Variants in KCNMB4 observed in about 807,000 individuals in gnomAD.
KCNMB4 encodes the protein potassium calcium-activated channel subfamily M regulatory beta subunit 4.
KCNMB4 carries 3 observed loss-of-function variants against 20.7 expected under a neutral mutation model. That is an observed-to-expected ratio of 0.14 (90% CI 0.07 to 0.37). KCNMB4 has a LOEUF of 0.37. Ranked by LOEUF, KCNMB4 falls within the 10% of genes least tolerant of loss-of-function variation. The pLI is 1.00. For synonymous variants in KCNMB4, 110 were observed against 113.4 expected (o/e 0.97, Z 0.19); for missense variants, 168 against 265.9 (o/e 0.63, Z 2.56).
intron 2 of KCNMB4, among the ~76,000 whole-genome samples, chr12:70,429,666 CAAAAAA>C (rs11320039): frequency 8.5e-6 from 1 of 117,186 alleles, no homozygotes; most frequent in African/African-American, 3.3e-5. Flanking sequence ...GACTCCATCT[CAAAAAA>C]AAAAAAAAAA....
At chr12:70,388,218 A>C (rs544752538) in intron 1 of KCNMB4, among the ~76,000 whole-genome samples, 1 of 152,110 alleles carries the variant, frequency 6.6e-6, no homozygotes, top group African/African-American at 2.4e-5. Context: ...TTCTTTATCC[A>C]TTCATCTGTT....
chr12:70,432,868 G>A lies in KCNMB4; in HGVS notation c.*2215G>A, dbSNP rs1869405854. 6.6e-6 allele frequency: 1 copy of A among 152,150 alleles called. No individual in the cohort carries two copies. 9.4% of individuals were successfully genotyped at this position (152,150 alleles called of 1,614,324 possible). ...ATGATTAATTGATTACAGAGTAGTA[G>A]ATTAGAATAGTGCATGGATATACAT... is the stretch of plus-strand genomic sequence containing the variant. On this transcript the variant is annotated 3_prime_UTR_variant, in exon 3 of 3. Coordinates refer to ENST00000258111, the MANE Select transcript of KCNMB4 (RefSeq NM_014505.6).
intron 2 of KCNMB4, among the ~76,000 whole-genome samples, chr12:70,427,982 TC>T (rs1869256473): frequency 6.6e-6 from 1 of 152,170 alleles, no homozygotes; most frequent in Non-Finnish European, 1.5e-5. Context: ...TCCAAGTCCC[TC>T]ACCCTGAATC....
At chr12:70,370,636 A>G (rs1162817390) in intron 1 of KCNMB4, among the ~76,000 whole-genome samples, 1 of 151,878 alleles carries the variant, frequency 6.6e-6, no homozygotes, top group African/African-American at 2.4e-5. Flanking sequence ...GAGTCGGTAT[A>G]AAAGGAAATT....
intron 2 of KCNMB4, among the ~76,000 whole-genome samples, chr12:70,418,364 G>C (rs1868964844): frequency 6.7e-6 from 1 of 149,638 alleles, no homozygotes; most frequent in Non-Finnish European, 1.5e-5. Context: ...TTCAGCTTAG[G>C]GAAATGATAC....
At chr12:70,376,797 G>A (rs1398252458) in intron 1 of KCNMB4, among the ~76,000 whole-genome samples, 2 of 151,524 alleles carry the variant, frequency 1.3e-5, no homozygotes, top group African/African-American at 4.8e-5. Flanking sequence ...ACTTGATCCT[G>A]GGAGATTAAG....
chr12:70,391,551 C>A (rs1388986223), intron 1 of KCNMB4, among the ~76,000 whole-genome samples: 2 of 152,330 alleles, frequency 1.3e-5, no homozygotes, highest in Non-Finnish European at 2.9e-5. Flanking sequence ...AGCAGTCCCC[C>A]TGCCTTGGCC....
At chr12:70,411,689 G>T (rs1868782521) in intron 2 of KCNMB4, among the ~76,000 whole-genome samples, 1 of 152,072 alleles carries the variant, frequency 6.6e-6, no homozygotes, top group South Asian at 2.1e-4. Context: ...TATACCTGTA[G>T]TCCCCACTAC....
chr12:70,405,998 A>G (rs1378110765), intron 2 of KCNMB4, among the ~76,000 whole-genome samples: 1 of 152,244 alleles, frequency 6.6e-6, no homozygotes, highest in Non-Finnish European at 1.5e-5. Context: ...CCTGGAGGAC[A>G]TTATACCAAG....
chr12:70,417,713 C>T (rs982226390), intron 2 of KCNMB4, among the ~76,000 whole-genome samples: 1 of 152,134 alleles, frequency 6.6e-6, no homozygotes, highest in Admixed American at 6.5e-5. Context: ...TGTTCCCTGC[C>T]CGCTACCTTA....
In KCNMB4 at chr12:70,433,565, C is replaced by T. The variant is rs889131011; in HGVS notation, c.*2912C>T. ...TACCTAGCTTCAAGAAAGCCTGGGA[C>T]GTGTCTCTAACTAGATGGACATGTG... On this transcript the variant is annotated 3_prime_UTR_variant, in exon 3 of 3. Transcript: ENST00000258111. 1 of 152,182 alleles carries T rather than the reference C, an allele frequency of 6.6e-6. No homozygotes were observed. Among genetic ancestry groups the T allele is most frequent in the African/African-American group, 2.4e-5 (1 of 41,436 alleles). The allele number at this position is 152,182 out of a possible 1,614,324, so 9.4% of individuals were successfully genotyped here. A position where few individuals can be genotyped will look rare whatever the true frequency, so the allele number is the denominator to read the frequency against.
At chr12:70,371,555 TG>T (rs764283640) in intron 1 of KCNMB4, among the ~76,000 whole-genome samples, 27 of 152,266 alleles carry the variant, frequency 1.8e-4, no homozygotes, top group Non-Finnish European at 2.9e-4. Context: ...AGAATTGTGA[TG>T]ACTTCTTTGT....
intron 2 of KCNMB4, among the ~76,000 whole-genome samples, chr12:70,420,556 G>A (rs1409272143): frequency 2.6e-5 from 4 of 152,134 alleles, no homozygotes; most frequent in African/African-American, 4.8e-5. Context: ...ACCTCCAGAA[G>A]GAACACAGCC....
At chr12:70,410,095 GGA>G (rs1249657282) in intron 2 of KCNMB4, among the ~76,000 whole-genome samples, 3 of 152,000 alleles carry the variant, frequency 2.0e-5, no homozygotes, top group East Asian at 3.8e-4. Flanking sequence ...TTTACTTCTG[GGA>G]ATTAGCACAG....
At chr12:70,430,391 T>C (rs1281362492) in intron 2 of KCNMB4, 94 bp from the exon 3 acceptor site, 1 of 1,302,222 alleles carries the variant, frequency 7.7e-7, no homozygotes, top group Admixed American at 1.9e-5. Context: ...TCAATAATGG[T>C]TATGGAAAGC....
intron 2 of KCNMB4, among the ~76,000 whole-genome samples, chr12:70,421,945 A>G (rs1869074492): frequency 6.6e-6 from 1 of 150,792 alleles, no homozygotes. Context: ...TTATACAGTT[A>G]AGGTTCTCAT....
At chr12:70,422,433 C>T (rs974350968) in intron 2 of KCNMB4, among the ~76,000 whole-genome samples, 14 of 152,118 alleles carry the variant, frequency 9.2e-5, no homozygotes, top group Non-Finnish European at 1.6e-4. Flanking sequence ...GTGGAGATAA[C>T]GTTGAACTGA....
chr12:70,386,414 A>AT (rs973873839), intron 1 of KCNMB4, among the ~76,000 whole-genome samples: 3 of 151,376 alleles, frequency 2.0e-5, no homozygotes, highest in South Asian at 2.1e-4. Context: ...TTGTGAGACA[A>AT]TTTTTTTTTA....
chr12:70,406,680 G>T (rs1377357524), intron 2 of KCNMB4, among the ~76,000 whole-genome samples: 2 of 152,068 alleles, frequency 1.3e-5, no homozygotes, highest in African/African-American at 2.4e-5. Context: ...CCTTCCATGT[G>T]CTGTCCTGAC....
Sources: gnomAD v4.1 joint callset for allele counts (sites outside exome capture counted in the v4.1 genomes callset) on GRCh38, gnomAD v4.1.1 for gene constraint, MANE v1.5 for transcripts, NCBI Gene and HGNC (gene_info 2026-07-23, HGNC 2026-07-21) for gene names.